POLN: variants seen among roughly 807,000 people sequenced by gnomAD.
POLN encodes DNA polymerase nu, also known as DNA polymerase N.
A neutral mutation model predicts 113.5 loss-of-function variants in POLN; 108 were observed. The observed-to-expected ratio is 0.95, with a 90% CI of 0.81 to 1.12. The LOEUF (loss-of-function observed/expected upper bound fraction) is 1.12, where lower values mean the gene tolerates loss of function less well. POLN is among the 50% of genes most tolerant of loss of function. The pLI, the probability that POLN is intolerant of heterozygous loss-of-function variation, is 0.00. For synonymous variants in POLN, 386 were observed against 391.5 expected (o/e 0.99, Z 0.17); for missense variants, 1,097 against 1,077.1 (o/e 1.02, Z -0.26).
intron 7 of POLN, among the ~76,000 whole-genome samples, chr4:2,191,030 A>G (rs1733427486): frequency 6.6e-6 from 1 of 152,242 alleles, no homozygotes; most frequent in Admixed American, 6.5e-5. Flanking sequence ...TATATATTCA[A>G]AAGAATCAAC....
intron 3 of POLN, among the ~76,000 whole-genome samples, chr4:2,220,179 C>T (rs1023379487): frequency 6.6e-6 from 1 of 152,160 alleles, no homozygotes; most frequent in Non-Finnish European, 1.5e-5. Context: ...CCACCTGGCA[C>T]GATGTTAAGC....
chr4:2,090,293 G>C (rs1730635686), intron 20 of POLN: 5 of 810,716 alleles, frequency 6.2e-6, no homozygotes, highest in Non-Finnish European at 8.2e-6. Flanking sequence ...CATCAAACTT[G>C]TTCTTCAGAA....
intron 7 of POLN, among the ~76,000 whole-genome samples, chr4:2,189,556 G>A (rs571107078): frequency 1.2e-3 from 188 of 150,612 alleles, no homozygotes; most frequent in African/African-American, 4.5e-3. Context: ...GGAGAATGGC[G>A]TGAACCCAGG....
chr4:2,100,656 C>T (rs957460625), intron 19 of POLN, among the ~76,000 whole-genome samples: 1 of 152,058 alleles, frequency 6.6e-6, no homozygotes, highest in African/African-American at 2.4e-5. Context: ...CAAATGAGAA[C>T]AGTCAGGCCA....
intron 2 of POLN, chr4:2,232,132 T>G (rs1560102485): frequency 2.5e-6 from 4 of 1,573,924 alleles, no homozygotes; most frequent in Non-Finnish European, 3.4e-6. Flanking sequence ...CAGTTGAGAT[T>G]CAACTTTATG....
In POLN at chr4:2,091,799, G is replaced by GCA. The variant is rs1334148393; in HGVS notation, c.2065+4051_2065+4052insTG. On this transcript the variant is annotated intron_variant, in intron 20 of 25. Coordinates refer to ENST00000511885, the MANE Select transcript of POLN (RefSeq NM_181808.4). ...TGTGTGTGTGTGTGTGTGTGTGTGT[G>GCA]TGCGCGCGCTACAATTTGACGTTTA... 1.2e-4 allele frequency among the ~76,000 whole-genome samples: 7 copies of GCA among 56,624 alleles called. No homozygotes were observed. In the East Asian group the frequency reaches 1.7e-3, roughly 14 times the overall value. The allele number at this position is 56,624 out of a possible 152,430, so 37.1% of individuals were successfully genotyped here.
chr4:2,132,108 C>T (rs192246858), intron 16 of POLN, among the ~76,000 whole-genome samples: 2 of 152,282 alleles, frequency 1.3e-5, no homozygotes, highest in East Asian at 3.9e-4. Context: ...ACATTGTCAT[C>T]CTCATTTTTT....
At chr4:2,195,960 G>A (rs1026913325) in intron 6 of POLN, among the ~76,000 whole-genome samples, 1 of 152,108 alleles carries the variant, frequency 6.6e-6, no homozygotes, top group African/African-American at 2.4e-5. Flanking sequence ...AAGTTTGGGG[G>A]AGAAGTTTAT....
At chr4:2,182,217 C>T (rs1038861187) in intron 7 of POLN, among the ~76,000 whole-genome samples, 33 of 152,088 alleles carry the variant, frequency 2.2e-4, no homozygotes, top group African/African-American at 7.7e-4. Flanking sequence ...AAGATAACTC[C>T]ACCCAGAATC....
chr4:2,218,277 CAAAAAA>C (rs376746658), intron 3 of POLN, among the ~76,000 whole-genome samples: 1 of 89,802 alleles, frequency 1.1e-5, no homozygotes, highest in Non-Finnish European at 2.5e-5. Flanking sequence ...ACTAAAAATA[CAAAAAA>C]AAAAAAAAAA....
chr4:2,161,568 G>T (rs1732591339), intron 13 of POLN, among the ~76,000 whole-genome samples: 1 of 152,218 alleles, frequency 6.6e-6, no homozygotes, highest in South Asian at 2.1e-4. Context: ...GTGGGCTCCT[G>T]TGCGGCTGGA....
chr4:2,081,009 G>A lies in POLN; in HGVS notation c.2336C>T (p.Ala779Val), dbSNP rs1440221009. 2 of 1,613,856 alleles carry A rather than the reference G, an allele frequency of 1.2e-6. No homozygotes were observed. Among genetic ancestry groups the A allele is most frequent in the Admixed American group, 3.3e-5 (2 of 60,028 alleles). The change falls in exon 23 of 26, where the codon GCC becomes GTC. Residue 779 changes from alanine (A) to valine (V), a missense_variant. Transcript: ENST00000511885. ...CACTGCAGTGAAGACATGGATCATG[G>A]CCAGCTTGCAGAGGTCAGCAGCGGA... ...QGSAADLCKL[A>V]MIHVFTAVAA...
intron 13 of POLN, among the ~76,000 whole-genome samples, chr4:2,168,723 G>C (rs1262270725): frequency 6.6e-6 from 1 of 152,208 alleles, no homozygotes; most frequent in Non-Finnish European, 1.5e-5. Context: ...TGCTGCCCAT[G>C]TCCACTGTGT....
chr4:2,237,903 T>A (rs939961369), intron 2 of POLN, among the ~76,000 whole-genome samples: 1 of 152,162 alleles, frequency 6.6e-6, no homozygotes, highest in Non-Finnish European at 1.5e-5. Flanking sequence ...GTCTTATAGA[T>A]GTAACTACAC....
chr4:2,160,611 G>A (rs1249200698), intron 13 of POLN, among the ~76,000 whole-genome samples: 1 of 152,078 alleles, frequency 6.6e-6, no homozygotes, highest in Non-Finnish European at 1.5e-5. Flanking sequence ...GTCTCGCCAT[G>A]TTGCCCAGGC....
rs552263660 is a variant in POLN at position 2,189,092 on chromosome 4, C to A, written c.1021+4112G>T. Among the ~76,000 whole-genome samples, 30 of 152,036 alleles carry A rather than the reference C, an allele frequency of 2.0e-4. No homozygotes were observed. The East Asian group carries it at 5.0e-3, about 25-fold the overall frequency. ...AACCTATAATAAATACACACACACA[C>A]AAAAAGCTACAAATTAAAAGATACT... On this transcript the variant is annotated intron_variant, in intron 7 of 25. Transcript: ENST00000511885.
At chr4:2,198,047 G>T (rs1331596044) in intron 6 of POLN, among the ~76,000 whole-genome samples, 1 of 152,242 alleles carries the variant, frequency 6.6e-6, no homozygotes, top group Non-Finnish European at 1.5e-5. Flanking sequence ...AAGAGGGCCG[G>T]TCCAAAGAGG....
chr4:2,105,597 C>T (rs925687087), intron 19 of POLN, among the ~76,000 whole-genome samples: 3 of 152,006 alleles, frequency 2.0e-5, no homozygotes, highest in South Asian at 2.1e-4. Context: ...GGAGCTATGA[C>T]GCAGAAGACC....
At position 2,158,526 on chromosome 4, in the gene POLN, T is replaced by C. The variant is rs35111345; in HGVS notation, c.1612-615A>G. On this transcript the variant is annotated intron_variant, in intron 14 of 25. Coordinates refer to ENST00000511885, the MANE Select transcript of POLN (RefSeq NM_181808.4). ...TCCTCTGGTGGCCCCTTTACATCGT[T>C]GCAGGGAGAAAGGGCCAGGCTGGAG... is the stretch of plus-strand genomic sequence containing the variant. Among the ~76,000 whole-genome samples the C allele has an allele frequency of 9.8e-3, 1,495 of 152,236 alleles. 27 individuals are homozygous for C. Among genetic ancestry groups the C allele is most frequent in the African/African-American group, 0.034 (1,406 of 41,536 alleles).
Sources: gnomAD v4.1 joint callset for allele counts (sites outside exome capture counted in the v4.1 genomes callset) on GRCh38, gnomAD v4.1.1 for gene constraint, MANE v1.5 for transcripts, NCBI Gene and HGNC (gene_info 2026-07-23, HGNC 2026-07-21) for gene names.